The following IKBKE variants were observed in gnomAD, a reference collection of about 807,000 sequenced individuals.
IKBKE encodes inhibitor of nuclear factor kappa-B kinase subunit epsilon.
A neutral mutation model predicts 92.1 loss-of-function variants in IKBKE; 45 were observed. That is an observed-to-expected ratio of 0.49 (90% CI 0.38 to 0.63). The LOEUF is 0.63. Ranked by LOEUF, IKBKE falls within the 20% of genes least tolerant of loss-of-function variation. The pLI is 0.00. For missense variants in IKBKE, 700 were observed against 932.8 expected, an observed-to-expected ratio of 0.75 and a Z score of 3.25; for synonymous variants, 374 against 380.3, an observed-to-expected ratio of 0.98 and a Z score of 0.19.
Position 206,475,143 on chromosome 1 carries a change from G to A in IKBKE, c.358+149G>A, listed in dbSNP as rs1664991093. On this transcript the variant is annotated intron_variant, in intron 5 of 21. Transcript: ENST00000581977. ...AACCTAAAAAAGATTGTACACCAAT[G>A]TTCACAGCAGCATTATTTACAATAG... The A allele has an allele frequency of 5.0e-6, 4 of 799,202 alleles. No individual in the cohort carries two copies. In the East Asian group the frequency reaches 1.1e-4, roughly 22 times the overall value. The allele number at this position is 799,202 out of a possible 1,614,324, so 49.5% of individuals were successfully genotyped here.
At chr1:206,494,115 C>G (rs908603886) in intron 21 of IKBKE, 124 bp downstream of exon 21, 18 of 729,488 alleles carry the variant, frequency 2.5e-5, no homozygotes, top group Non-Finnish European at 4.0e-5. Context: ...TTCGAAGAAG[C>G]CCTGTTGAAG....
Position 206,477,798 on chromosome 1 carries a change from A to T in IKBKE, c.751A>T (p.Arg251Trp). 1 of 1,565,574 alleles carries T rather than the reference A, an allele frequency of 6.4e-7. No individual in the cohort carries two copies. The highest frequency in any genetic ancestry group is 1.7e-4 in the Middle Eastern group (1 of 5,996). Residue 251 changes from arginine to tryptophan, a missense_variant, in exon 8 of 22, where the codon AGG becomes TGG. Coordinates refer to ENST00000581977, the MANE Select transcript of IKBKE (RefSeq NM_014002.4). ...GGCTGGGGCCATTGCAGGTGCCCAG[A>T]GGCGGGAGAACGGGCCCCTGGAGTG... is the stretch of plus-strand genomic sequence containing the variant. ...KPAGAIAGAQRRENGPLEWSY... is the reference protein window; with the variant it reads ...KPAGAIAGAQWRENGPLEWSY...
chr1:206,493,244 C>T, intron 19 of IKBKE, 22 bp from the exon 20 acceptor site: 2 of 1,606,070 alleles, frequency 1.2e-6, no homozygotes, highest in Admixed American at 1.7e-5. Context: ...TAATTGCTGA[C>T]CAAAGTATGG....
Position 206,480,497 on chromosome 1 carries a change from C to G in IKBKE, c.1391C>G (p.Ser464Cys), listed in dbSNP as rs781990877. The change falls in exon 13 of 22, where the codon TCC (serine) becomes TGC (cysteine). Residue 464 changes from serine (S) to cysteine (C), a missense_variant. Ser to Cys is a moderately radical substitution (Grantham distance 112). Coordinates refer to ENST00000581977, the MANE Select transcript of IKBKE (RefSeq NM_014002.4). ...CRRTLEVART[S>C]LLYLSSSLGT... Reference sequence around the variant, plus strand: ...CGGACTCTGGAAGTGGCAAGGACATCCCTCCTCTACCTCAGCAGCAGCCTG... The same window carrying G: ...CGGACTCTGGAAGTGGCAAGGACATGCCTCCTCTACCTCAGCAGCAGCCTG... 1.1e-5 allele frequency: 18 copies of G among 1,613,802 alleles called. No homozygotes were observed. The highest frequency in any genetic ancestry group is 1.5e-5 in the Non-Finnish European group (18 of 1,179,850).
intron 13 of IKBKE, among the ~76,000 whole-genome samples, chr1:206,484,775 A>G (rs1405309661): frequency 6.6e-6 from 1 of 152,122 alleles, no homozygotes; most frequent in Non-Finnish European, 1.5e-5. Flanking sequence ...ATCTGTCTCA[A>G]CCTTTATTAT....
At chr1:206,477,716 G>A (rs782268539) in intron 7 of IKBKE, 33 bp from the exon 8 acceptor site, 93 of 1,338,670 alleles carry the variant, frequency 6.9e-5, no homozygotes, top group Non-Finnish European at 8.7e-5. Context: ...GTGATAGCTG[G>A]GGATCCCGCT....
chr1:206,492,729 T>C (rs1206879807), intron 18 of IKBKE: 36 of 564,366 alleles, frequency 6.4e-5, no homozygotes, highest in Admixed American at 5.6e-4. Flanking sequence ...GCCTGACTGG[T>C]GCCACGCTCA....
At position 206,487,872 on chromosome 1, in the gene IKBKE, A is replaced by G. The variant is rs372630216; in HGVS notation, c.1617-42A>G. On this transcript the variant is annotated intron_variant, in intron 15 of 21. Transcript: ENST00000581977. The surrounding 1 kb of genome is among the most constrained non-coding windows in gnomAD (Gnocchi z 5.3). ...CCTCCCTCCCTCTTTCCTCTGTGCT[A>G]TTAGATTCTTCCAACACCTGGTCCC... 5.2e-6 allele frequency: 8 copies of G among 1,528,150 alleles called. 1 individual carries two copies. The highest frequency in any genetic ancestry group is 2.3e-5 in the East Asian group (1 of 44,346). 94.7% of individuals were successfully genotyped at this position (1,528,150 alleles called of 1,614,324 possible). A position where few individuals can be genotyped will look rare whatever the true frequency, so the allele number is the denominator to read the frequency against.
chr1:206,488,990 T>C (rs149787403), intron 16 of IKBKE, among the ~76,000 whole-genome samples: 159 of 152,144 alleles, frequency 1.0e-3, no homozygotes, highest in African/African-American at 3.7e-3. Flanking sequence ...CACGTGTATA[T>C]ATACACATAA....
rs542467293 is a variant in IKBKE at position 206,486,476 on chromosome 1, GGCT to G, written c.1616+1172_1616+1174del. Among the ~76,000 whole-genome samples, 100 of 151,802 alleles carry G rather than the reference GGCT, an allele frequency of 6.6e-4. 2 individuals carry two copies. The Middle Eastern group carries it at 0.014, about 21-fold the overall frequency. On this transcript the variant is annotated intron_variant, in intron 15 of 21. Transcript: ENST00000581977. ...TCCCAGGCCCTGTCTTTTGGATGAA[GGCT>G]GTGGATCGAGGCCCCATCCTTTTGG...
intron 10 of IKBKE, 49 bp from the exon 11 acceptor site, chr1:206,479,821 G>A (rs782485269): frequency 1.8e-5 from 29 of 1,589,566 alleles, no homozygotes; most frequent in Non-Finnish European, 2.3e-5. Context: ...AAGATAAGCC[G>A]ACCCAGCACC....
chr1:206,480,776 C>T (rs1665338900), intron 13 of IKBKE, among the ~76,000 whole-genome samples: 1 of 152,208 alleles, frequency 6.6e-6, no homozygotes, highest in South Asian at 2.1e-4. Context: ...CACAGACTCT[C>T]CAGGTACCAA....
In IKBKE at chr1:206,476,531, A is replaced by G. The variant is rs1424919019; in HGVS notation, c.541-147A>G. 30 of 1,124,126 alleles carry G rather than the reference A, an allele frequency of 2.7e-5. 1 individual carries two copies. Among genetic ancestry groups the G allele is most frequent in the Non-Finnish European group, 3.6e-5 (28 of 782,470 alleles). 69.6% of individuals were successfully genotyped at this position (1,124,126 alleles called of 1,614,324 possible). On this transcript the variant is annotated intron_variant, in intron 6 of 21. Coordinates refer to ENST00000581977, the MANE Select transcript of IKBKE (RefSeq NM_014002.4). The surrounding 1 kb of genome is among the most constrained non-coding windows in gnomAD (Gnocchi z 5.1). ...TGCATTCTGTTCTCTAAGATGGAAAAGGTGAGGCTGACACCCATTTTTAAG... is the reference window on the plus strand; with the variant it reads ...TGCATTCTGTTCTCTAAGATGGAAAGGGTGAGGCTGACACCCATTTTTAAG...
intron 18 of IKBKE, chr1:206,492,004 G>A (rs1665970700): frequency 5.2e-6 from 2 of 387,600 alleles, no homozygotes; most frequent in Non-Finnish European, 9.7e-6. Flanking sequence ...AGGAAACTGA[G>A]GCTCTGAGAA....
In IKBKE at chr1:206,490,148, G is replaced by A. The variant is rs1450135014; in HGVS notation, c.1694-671G>A. ...GCTGGCCGAGTGCAGGGCCCAGGAG[G>A]GGGACTCTGCTATGAGAGGAGTGGG... On this transcript the variant is annotated intron_variant, in intron 16 of 21. Coordinates refer to ENST00000581977, the MANE Select transcript of IKBKE (RefSeq NM_014002.4). The surrounding 1 kb of genome is among the most constrained non-coding windows in gnomAD (Gnocchi z 5.2). Among the ~76,000 whole-genome samples, 1 of 152,182 alleles carries A rather than the reference G, an allele frequency of 6.6e-6. No homozygotes were observed. Among genetic ancestry groups the A allele is most frequent in the African/African-American group, 2.4e-5 (1 of 41,434 alleles).
chr1:206,494,906 G>A (rs4844539), intron 21 of IKBKE, among the ~76,000 whole-genome samples: 58,167 of 148,642 alleles, frequency 0.39, 12,191 homozygotes, highest in Middle Eastern at 0.53. Context: ...GCCCGGCTAC[G>A]TACCAGTATA....
Position 206,473,306 on chromosome 1 carries a change from C to T in IKBKE, c.79C>T (p.Arg27Cys), listed in dbSNP as rs1396141437. The change falls in exon 3 of 22, where the codon CGC becomes TGC. Residue 27 changes from arginine to cysteine, a missense_variant. Transcript: ENST00000581977. ...GGCCACTGCCAGTGTGTACAAGGCC[C>T]GCAACAAGGTAGGAAGCAACCCTGG... The part of the protein sequence containing the change: ...QGATASVYKA[R>C]NKKSGELVAV... 3.0e-5 allele frequency: 48 copies of T among 1,611,514 alleles called. No individual in the cohort carries two copies. Among genetic ancestry groups the T allele is most frequent in the Non-Finnish European group, 3.7e-5 (44 of 1,178,810 alleles).
intron 7 of IKBKE, among the ~76,000 whole-genome samples, chr1:206,477,333 G>A (rs1665121978): frequency 1.3e-5 from 2 of 152,268 alleles, no homozygotes; most frequent in South Asian, 2.1e-4. Context: ...CCTCAGCCCC[G>A]GGGTCCAGCT....
intron 21 of IKBKE, among the ~76,000 whole-genome samples, chr1:206,494,504 G>T (rs151268653): frequency 8.5e-4 from 130 of 152,072 alleles, no homozygotes; most frequent in African/African-American, 3.1e-3. Context: ...CCTCCTTGGG[G>T]TGCTGAGGGG....
Sources: gnomAD v4.1 joint callset for allele counts (sites outside exome capture counted in the v4.1 genomes callset) on GRCh38, gnomAD v4.1.1 for gene constraint, Gnocchi (gnomAD v3.1) non-coding constraint, MANE v1.5 for transcripts, NCBI Gene and HGNC (gene_info 2026-07-23, HGNC 2026-07-21) for gene names.